The following KYNU variants were observed in gnomAD, a reference collection of about 807,000 sequenced individuals.
KYNU encodes L-kynurenine hydrolase.
In KYNU, 54 loss-of-function variants were observed where a neutral mutation model predicts 59.2. That is an observed-to-expected ratio of 0.91 (90% CI 0.73 to 1.14). KYNU has a LOEUF of 1.14. KYNU is among the 50% of genes most tolerant of loss of function. The pLI, the probability that KYNU is intolerant of heterozygous loss-of-function variation, is 0.00. For missense variants in KYNU, 567 were observed against 554.4 expected (o/e 1.02, Z -0.23); for synonymous variants, 177 against 192.0 (o/e 0.92, Z 0.65).
chr2:142,986,735 T>C (rs1173794415), intron 10 of KYNU, among the ~76,000 whole-genome samples: 1 of 151,758 alleles, frequency 6.6e-6, no homozygotes, highest in Non-Finnish European at 1.5e-5. Flanking sequence ...AAAACCCTTT[T>C]CATAGTTGTT....
chr2:143,006,105 C>G (rs950149162), intron 10 of KYNU, among the ~76,000 whole-genome samples: 2 of 152,094 alleles, frequency 1.3e-5, no homozygotes, highest in Non-Finnish European at 2.9e-5. Context: ...GCATGAGCAA[C>G]GCAGAAGACG....
At chr2:143,016,784 G>T (rs556769036) in intron 10 of KYNU, among the ~76,000 whole-genome samples, 1 of 151,926 alleles carries the variant, frequency 6.6e-6, no homozygotes, top group African/African-American at 2.4e-5. Flanking sequence ...ACCTATGCAG[G>T]CTTATTACCT....
chr2:143,025,175 T>A (rs1686516584), intron 10 of KYNU, among the ~76,000 whole-genome samples: 1 of 152,180 alleles, frequency 6.6e-6, no homozygotes, highest in South Asian at 2.1e-4. Context: ...TATTATTTCA[T>A]TAAGCTTCTG....
chr2:142,888,158 G>A (rs1573751136), intron 2 of KYNU, among the ~76,000 whole-genome samples: 2 of 152,224 alleles, frequency 1.3e-5, no homozygotes, highest in South Asian at 4.2e-4. Context: ...TAGTTTGCTT[G>A]TTTAAAAAAT....
intron 2 of KYNU, among the ~76,000 whole-genome samples, chr2:142,890,086 A>G (rs983473054): frequency 1.3e-5 from 2 of 152,030 alleles, no homozygotes; most frequent in African/African-American, 4.8e-5. Context: ...TATGTTCAAC[A>G]TTGTCCTAAA....
chr2:143,041,276 A>G (rs1687036886), intron 13 of KYNU, among the ~76,000 whole-genome samples: 1 of 152,032 alleles, frequency 6.6e-6, no homozygotes, highest in Admixed American at 6.6e-5. Flanking sequence ...TTATGTAATT[A>G]AGGCATTGCT....
intron 10 of KYNU, among the ~76,000 whole-genome samples, chr2:143,003,571 G>A (rs926253635): frequency 8.5e-5 from 13 of 152,156 alleles, no homozygotes; most frequent in Non-Finnish European, 1.6e-4. Context: ...GGCAGAGTGA[G>A]ACTCTGTCTG....
At chr2:142,933,460 A>T (rs1231169912) in intron 4 of KYNU, among the ~76,000 whole-genome samples, 1 of 152,076 alleles carries the variant, frequency 6.6e-6, no homozygotes, top group African/African-American at 2.4e-5. Flanking sequence ...GAAGGAGGGA[A>T]CCTAGAGCCT....
rs1299649025 is a variant in KYNU at position 143,055,541 on chromosome 2, T to A, written c.*13369T>A. 6.6e-6 allele frequency: 1 copy of A among 152,016 alleles called. No individual in the cohort carries two copies. The highest frequency in any genetic ancestry group is 1.5e-5 in the Non-Finnish European group (1 of 68,016). 9.4% of individuals were successfully genotyped at this position (152,016 alleles called of 1,614,324 possible). On this transcript the variant is annotated 3_prime_UTR_variant, in exon 14 of 14. Transcript: ENST00000264170. ...ATTAGTGACCTAATTCCATCTACAATCACAATTCCTCTTTGCCATATAATG... is the reference window on the plus strand; with the variant it reads ...ATTAGTGACCTAATTCCATCTACAAACACAATTCCTCTTTGCCATATAATG...
At chr2:142,948,878 A>C (rs1353619961) in intron 4 of KYNU, among the ~76,000 whole-genome samples, 1 of 152,230 alleles carries the variant, frequency 6.6e-6, no homozygotes, top group Non-Finnish European at 1.5e-5. Flanking sequence ...CACAGTCCAA[A>C]GTCTCATCTG....
intron 12 of KYNU, among the ~76,000 whole-genome samples, chr2:143,035,153 T>G (rs1686859004): frequency 6.6e-6 from 1 of 152,190 alleles, no homozygotes; most frequent in Non-Finnish European, 1.5e-5. Flanking sequence ...CTCAGCCTCC[T>G]GAGTAGCTGG....
intron 8 of KYNU, among the ~76,000 whole-genome samples, chr2:142,980,992 CT>C (rs1287781989): frequency 2.6e-5 from 4 of 152,170 alleles, no homozygotes; most frequent in Non-Finnish European, 4.4e-5. Context: ...TCTAGTGACA[CT>C]TTTGTGAAAT....
chr2:142,922,007 G>A (rs975930829), intron 3 of KYNU, among the ~76,000 whole-genome samples: 1 of 152,004 alleles, frequency 6.6e-6, no homozygotes, highest in Non-Finnish European at 1.5e-5. Flanking sequence ...AATTTTATCT[G>A]ATCACTTCTT....
chr2:142,988,150 A>G (rs1012450463), intron 10 of KYNU, among the ~76,000 whole-genome samples: 1 of 150,574 alleles, frequency 6.6e-6, no homozygotes, highest in African/African-American at 2.5e-5. Flanking sequence ...GGTTATATGA[A>G]AAAAAAAATC....
At position 142,954,872 on chromosome 2, in the gene KYNU, G is replaced by T; in HGVS notation, c.435+1G>T. The T allele has an allele frequency of 1.3e-6, 2 of 1,575,784 alleles. No homozygotes were observed. Among genetic ancestry groups the T allele is most frequent in the South Asian group, 2.2e-5 (2 of 90,214 alleles). ...GACTGTAAATTTACATCTTCTAATG[G>T]TAAGTTTTCTTTCCCACTAATGTTT... On this transcript the variant is annotated splice_donor_variant, in intron 5 of 13. Transcript: ENST00000264170. LOFTEE classifies it high-confidence loss of function.
chr2:142,995,762 T>C (rs1558965846), intron 10 of KYNU, among the ~76,000 whole-genome samples: 3 of 152,242 alleles, frequency 2.0e-5, no homozygotes, highest in South Asian at 4.1e-4. Context: ...TCTGCTTTTG[T>C]CACTTAGCCA....
chr2:142,951,157 G>A (rs1302047731), intron 4 of KYNU, among the ~76,000 whole-genome samples: 1 of 152,196 alleles, frequency 6.6e-6, no homozygotes, highest in Non-Finnish European at 1.5e-5. Flanking sequence ...ATCAAAATGT[G>A]ATACAGAGAC....
At chr2:142,887,829 A>C (rs1272681174) in intron 2 of KYNU, among the ~76,000 whole-genome samples, 3 of 152,218 alleles carry the variant, frequency 2.0e-5, no homozygotes, top group African/African-American at 7.2e-5. Context: ...AATTCTGGAG[A>C]TTGGTTGCAC....
chr2:142,917,504 G>A (rs1305112112), intron 2 of KYNU, among the ~76,000 whole-genome samples: 1 of 151,796 alleles, frequency 6.6e-6, no homozygotes, highest in Non-Finnish European at 1.5e-5. Context: ...GTCTCACTAT[G>A]TTGCCCATGC....
Sources: gnomAD v4.1 joint callset for allele counts (sites outside exome capture counted in the v4.1 genomes callset) on GRCh38, gnomAD v4.1.1 for gene constraint, MANE v1.5 for transcripts, NCBI Gene and HGNC (gene_info 2026-07-23, HGNC 2026-07-21) for gene names.